The following EFHD2 variants were observed in gnomAD, a reference collection of about 807,000 sequenced individuals.
The protein encoded by EFHD2 is EF-hand domain-containing protein D2.
A neutral mutation model predicts 20.3 loss-of-function variants in EFHD2; 12 were observed. The observed-to-expected ratio is 0.59, with a 90% CI of 0.38 to 0.96. The LOEUF is 0.96. Among genes scored for constraint, EFHD2 ranks in the 40% least tolerant of loss-of-function variants. The pLI is 0.00. For missense variants in EFHD2, 250 were observed against 334.3 expected (o/e 0.75, Z 1.97); for synonymous variants, 131 against 143.9 (o/e 0.91, Z 0.64).
rs563927033 is a variant in EFHD2 at position 15,419,685 on chromosome 1, C to A, written c.309-6186C>A. ...ATCTGGGTGGATCTTGCGGGCTGAT[C>A]TCTCTTTTTCTGGATCCTCTAAGCC... is the stretch of plus-strand genomic sequence containing the variant. On this transcript the variant is annotated intron_variant, in intron 1 of 3. Transcript: ENST00000375980. Among the ~76,000 whole-genome samples the A allele has an allele frequency of 2.6e-5, 4 of 152,276 alleles. No individual in the cohort carries two copies. The South Asian group carries it at 8.3e-4, about 32-fold the overall frequency.
chr1:15,411,301 C>T (rs542427838), intron 1 of EFHD2, among the ~76,000 whole-genome samples: 1 of 152,188 alleles, frequency 6.6e-6, no homozygotes, highest in African/African-American at 2.4e-5. Flanking sequence ...CACCCCTACC[C>T]TTTATTCCAT....
At chr1:15,416,148 G>A (rs1707666068) in intron 1 of EFHD2, among the ~76,000 whole-genome samples, 1 of 151,930 alleles carries the variant, frequency 6.6e-6, no homozygotes, top group African/African-American at 2.4e-5. Context: ...CCCCGGCCCA[G>A]GACTTTTGGT....
Position 15,426,036 on chromosome 1 carries a change from C to G in EFHD2, c.456+18C>G. On this transcript the variant is annotated intron_variant, in intron 2 of 3. Transcript: ENST00000375980. This position sits in a 1 kb window ranked among gnomAD's most constrained non-coding sequence, Gnocchi z 4.6. ...TCCGGGAGGTAAGCCCGGCCCCCAG[C>G]CCCACTCCCCTACCAGGGGCTTCAC... The G allele has an allele frequency of 1.3e-6, 2 of 1,554,528 alleles. No individual in the cohort carries two copies. The highest frequency in any genetic ancestry group is 1.7e-6 in the Non-Finnish European group (2 of 1,154,210).
intron 1 of EFHD2, among the ~76,000 whole-genome samples, chr1:15,414,965 T>A (rs556894652): frequency 8.4e-4 from 128 of 152,274 alleles, no homozygotes; most frequent in African/African-American, 2.9e-3. Flanking sequence ...TCTCTGAGCC[T>A]CAGTTTCCCC....
rs533401645 is a variant in EFHD2 at position 15,427,571 on chromosome 1, A to G, written c.591+287A>G. 6.6e-5 allele frequency among the ~76,000 whole-genome samples: 10 copies of G among 152,326 alleles called. No individual in the cohort carries two copies. In the South Asian group the frequency reaches 2.1e-3, roughly 32 times the overall value. ...GGCCCTGGCACACAGAGCTGCTAACACAGAGGACTGGGCCTTAGGAGGGCA... is the reference window on the plus strand; with the variant it reads ...GGCCCTGGCACACAGAGCTGCTAACGCAGAGGACTGGGCCTTAGGAGGGCA... On this transcript the variant is annotated intron_variant, in intron 3 of 3. Coordinates refer to ENST00000375980, the MANE Select transcript of EFHD2 (RefSeq NM_024329.6).
chr1:15,425,977 G>A lies in EFHD2; in HGVS notation c.415G>A (p.Glu139Lys), dbSNP rs201934929. 1 of 1,597,234 alleles carries A rather than the reference G, an allele frequency of 6.3e-7. No homozygotes were observed. The highest frequency in any genetic ancestry group is 2.3e-5 in the East Asian group (1 of 43,370). Residue 139 changes from glutamate to lysine, a missense_variant, in exon 2 of 4, where the codon GAG becomes AAG. Coordinates refer to ENST00000375980, the MANE Select transcript of EFHD2 (RefSeq NM_024329.6). ...THLGLKNMIK[E>K]VDEDFDSKLS... ...CCTGGGCCTGAAAAACATGATCAAG[G>A]AGGTGGATGAGGACTTTGACAGCAA...
chr1:15,417,951 C>T (rs1378393460), intron 1 of EFHD2, among the ~76,000 whole-genome samples: 1 of 151,656 alleles, frequency 6.6e-6, no homozygotes, highest in Non-Finnish European at 1.5e-5. Context: ...CTTGGGGGCA[C>T]CTGCACGAGG....
At position 15,413,537 on chromosome 1, in the gene EFHD2, A is replaced by C. The variant is rs1253846587; in HGVS notation, c.308+3258A>C. On this transcript the variant is annotated intron_variant, in intron 1 of 3. Coordinates refer to ENST00000375980, the MANE Select transcript of EFHD2 (RefSeq NM_024329.6). The surrounding 1 kb of genome is among the most constrained non-coding windows in gnomAD (Gnocchi z 4.4). ...TTCAGCAGGTACTTCCTGAGGCTGG[A>C]GATCGAGGGGGAAGAGAGGGGATGG... Among the ~76,000 whole-genome samples, 1 of 152,010 alleles carries C rather than the reference A, an allele frequency of 6.6e-6. No homozygotes were observed. Among genetic ancestry groups the C allele is most frequent in the African/African-American group, 2.4e-5 (1 of 41,382 alleles).
chr1:15,418,421 T>C (rs1158632620), intron 1 of EFHD2, among the ~76,000 whole-genome samples: 1 of 148,150 alleles, frequency 6.7e-6, no homozygotes, highest in African/African-American at 2.5e-5. Context: ...TTCTCCTGCC[T>C]CAGCCTCCCG....
intron 1 of EFHD2, among the ~76,000 whole-genome samples, chr1:15,421,130 G>A (rs745900504): frequency 1.4e-4 from 21 of 152,124 alleles, no homozygotes; most frequent in Non-Finnish European, 2.4e-4. Flanking sequence ...ATGTAGATGA[G>A]GAAATTGAGG....
chr1:15,421,732 C>T (rs1489143631), intron 1 of EFHD2, among the ~76,000 whole-genome samples: 2 of 152,192 alleles, frequency 1.3e-5, no homozygotes, highest in Non-Finnish European at 2.9e-5. Context: ...AAAGCTGGGG[C>T]TCAGGGAGAG....
chr1:15,427,345 C>T (rs1313876971), intron 3 of EFHD2, 61 bp downstream of exon 3: 13 of 1,553,994 alleles, frequency 8.4e-6, no homozygotes, highest in South Asian at 3.6e-5. Context: ...TGGGTTGGTG[C>T]GAAGTTAATA....
At chr1:15,417,739 C>A (rs1707702098) in intron 1 of EFHD2, among the ~76,000 whole-genome samples, 1 of 152,158 alleles carries the variant, frequency 6.6e-6, no homozygotes, top group African/African-American at 2.4e-5. Context: ...GCCAGGGGGG[C>A]CTGAGGGCTC....
intron 1 of EFHD2, among the ~76,000 whole-genome samples, chr1:15,422,528 C>T (rs1707809723): frequency 6.6e-6 from 1 of 152,084 alleles, no homozygotes; most frequent in African/African-American, 2.4e-5. Context: ...TAGACATTGC[C>T]AGATGTCTCC....
In EFHD2 at chr1:15,425,982, G is replaced by A. The variant is rs764677702; in HGVS notation, c.420G>A (p.Val140=). Residue 140 remains valine, a synonymous_variant, in exon 2 of 4, where the codon GTG becomes GTA. Coordinates refer to ENST00000375980, the MANE Select transcript of EFHD2 (RefSeq NM_024329.6). ...HLGLKNMIKE[V]DEDFDSKLSF... Reference sequence around the variant, plus strand: ...GCCTGAAAAACATGATCAAGGAGGTGGATGAGGACTTTGACAGCAAGCTGA... The same window carrying A: ...GCCTGAAAAACATGATCAAGGAGGTAGATGAGGACTTTGACAGCAAGCTGA... 1 of 1,593,776 alleles carries A rather than the reference G, an allele frequency of 6.3e-7. No homozygotes were observed. The highest frequency in any genetic ancestry group is 8.5e-7 in the Non-Finnish European group (1 of 1,172,078).
Position 15,427,256 on chromosome 1 carries a change from AG to A in EFHD2, c.568del (p.Ala190ProfsTer36). ...ATCGACGTCTCCAGTGAGGGTGTCA[AG>A]GGGGCCAAGAGCTTCTTTGAGGCCA... is the stretch of plus-strand genomic sequence containing the variant. Reference protein sequence around the residue: ...SEIDVSSEGVKGAKSFFEAKV... With the variant: ...SEIDVSSEGVXGAKSFFEAKV... On this transcript the variant is annotated frameshift_variant, in exon 3 of 4. Transcript: ENST00000375980. LOFTEE classifies it high-confidence loss of function. The A allele has an allele frequency of 1.9e-6, 3 of 1,607,738 alleles. No homozygotes were observed. Among genetic ancestry groups the A allele is most frequent in the Non-Finnish European group, 2.5e-6 (3 of 1,177,692 alleles).
chr1:15,417,185 C>G (rs767154364), intron 1 of EFHD2, among the ~76,000 whole-genome samples: 2 of 152,172 alleles, frequency 1.3e-5, no homozygotes, highest in Non-Finnish European at 1.5e-5. Context: ...CGGCTCAGGC[C>G]CCCGCACAGC....
At position 15,409,915 on chromosome 1, in the gene EFHD2, C is replaced by G. The variant is rs1477879206; in HGVS notation, c.-57C>G. On this transcript the variant is annotated 5_prime_UTR_variant, in exon 1 of 4. Coordinates refer to ENST00000375980, the MANE Select transcript of EFHD2 (RefSeq NM_024329.6). ...GTGTCAGGAAGAGGAAGAGCGCGGC[C>G]GGCGGCGCTGCGCTGAGAGCAGGGG... 1 of 1,196,566 alleles carries G rather than the reference C, an allele frequency of 8.4e-7. No homozygotes were observed. Among genetic ancestry groups the G allele is most frequent in the Non-Finnish European group, 1.0e-6 (1 of 966,816 alleles). 74.1% of individuals were successfully genotyped at this position (1,196,566 alleles called of 1,614,324 possible).
At chr1:15,424,260 C>T (rs1024571643) in intron 1 of EFHD2, among the ~76,000 whole-genome samples, 6 of 152,028 alleles carry the variant, frequency 3.9e-5, no homozygotes, top group Non-Finnish European at 5.9e-5. Context: ...CTTCCTCCTA[C>T]GCTGTTCCCA....
Sources: gnomAD v4.1 joint callset for allele counts (sites outside exome capture counted in the v4.1 genomes callset) on GRCh38, gnomAD v4.1.1 for gene constraint, Gnocchi (gnomAD v3.1) non-coding constraint, MANE v1.5 for transcripts, NCBI Gene and HGNC (gene_info 2026-07-23, HGNC 2026-07-21) for gene names.